ZSWIM6: variants seen among roughly 807,000 people sequenced by gnomAD.
ZSWIM6 encodes the protein zinc finger SWIM-type containing 6, also known as zinc finger SWIM domain-containing protein 6.
A neutral mutation model predicts 113.2 loss-of-function variants in ZSWIM6; 9 were observed. That is an observed-to-expected ratio of 0.08 (90% CI 0.05 to 0.14). The LOEUF (loss-of-function observed/expected upper bound fraction) is 0.14. Among genes scored for constraint, ZSWIM6 ranks in the 10% least tolerant of loss-of-function variants. ZSWIM6 has a pLI of 1.00. For missense variants in ZSWIM6, 1,162 were observed against 1,552.2 expected, an observed-to-expected ratio of 0.75 and a Z score of 4.22; for synonymous variants, 611 against 606.5, an observed-to-expected ratio of 1.01 and a Z score of -0.11.
chr5:61,514,141 T>C (rs923171351), intron 4 of ZSWIM6, among the ~76,000 whole-genome samples: 1 of 152,144 alleles, frequency 6.6e-6, no homozygotes, highest in Non-Finnish European at 1.5e-5. Flanking sequence ...ACATAGAGAC[T>C]GCACATGTTT....
Position 61,490,892 on chromosome 5 carries a change from G to T in ZSWIM6, c.1140G>T (p.Gly380=). The change falls in exon 3 of 14, where the codon GGG becomes GGT. Residue 380 remains glycine, a synonymous_variant. Transcript: ENST00000252744. ...EQVKLFLSQG[G]YHGSGKQLNL... is the part of the protein sequence containing the mutation. ...TTAAACTGTTCCTTTCCCAGGGCGGGTACCACGGATCAGGGAAGCAGCTTA... is the reference window on the plus strand; with the variant it reads ...TTAAACTGTTCCTTTCCCAGGGCGGTTACCACGGATCAGGGAAGCAGCTTA... The T allele has an allele frequency of 6.5e-7, 1 of 1,538,980 alleles. No individual in the cohort carries two copies. Among genetic ancestry groups the T allele is most frequent in the Non-Finnish European group, 8.7e-7 (1 of 1,142,954 alleles).
intron 1 of ZSWIM6, chr5:61,347,833 G>A (rs902092908): frequency 1.6e-4 from 24 of 152,302 alleles, no homozygotes; most frequent in Admixed American, 1.3e-3. Context: ...ACTCACAAAC[G>A]GCAAAATAAG....
chr5:61,366,599 T>TA (rs1466551013), intron 1 of ZSWIM6, among the ~76,000 whole-genome samples: 2 of 152,218 alleles, frequency 1.3e-5, no homozygotes, highest in Admixed American at 6.5e-5. Flanking sequence ...TTGTAGTGTA[T>TA]TTAGCTTTCT....
intron 1 of ZSWIM6, among the ~76,000 whole-genome samples, chr5:61,341,177 A>C (rs1237411030): frequency 6.6e-6 from 1 of 152,080 alleles, no homozygotes; most frequent in African/African-American, 2.4e-5. Context: ...CTTAAGGCAA[A>C]TTGTCCCATC....
intron 1 of ZSWIM6, among the ~76,000 whole-genome samples, chr5:61,341,083 G>C (rs1744535373): frequency 1.3e-5 from 2 of 152,344 alleles, no homozygotes; most frequent in South Asian, 4.1e-4. Flanking sequence ...CCATTATCTT[G>C]GGTGGAGTTT....
At chr5:61,344,550 G>C (rs1744616283) in intron 1 of ZSWIM6, among the ~76,000 whole-genome samples, 1 of 152,152 alleles carries the variant, frequency 6.6e-6, no homozygotes, top group Non-Finnish European at 1.5e-5. Flanking sequence ...GGTGAGGGAA[G>C]GGAGGAGAAA....
intron 1 of ZSWIM6, among the ~76,000 whole-genome samples, chr5:61,457,841 G>A (rs1747237008): frequency 6.6e-6 from 1 of 152,000 alleles, no homozygotes; most frequent in Non-Finnish European, 1.5e-5. Context: ...CTTTTGACTA[G>A]TATCTGATGA....
chr5:61,514,872 A>T (rs1339333058), intron 4 of ZSWIM6, among the ~76,000 whole-genome samples: 2 of 152,108 alleles, frequency 1.3e-5, no homozygotes. Context: ...TATCAGGGTA[A>T]TAATGCTGGC....
chr5:61,335,984 C>G (rs921729186), intron 1 of ZSWIM6, among the ~76,000 whole-genome samples: 2 of 152,096 alleles, frequency 1.3e-5, no homozygotes, highest in Non-Finnish European at 2.9e-5. Context: ...TTTATATTGC[C>G]GGGCACGGTG....
At chr5:61,481,102 G>C (rs963911378) in intron 2 of ZSWIM6, among the ~76,000 whole-genome samples, 1 of 152,160 alleles carries the variant, frequency 6.6e-6, no homozygotes, top group Non-Finnish European at 1.5e-5. Context: ...TTGGGTCACA[G>C]TTAAGATGAA....
At chr5:61,505,216 G>A (rs930962567) in intron 4 of ZSWIM6, among the ~76,000 whole-genome samples, 1 of 152,342 alleles carries the variant, frequency 6.6e-6, no homozygotes, top group South Asian at 2.1e-4. Flanking sequence ...CATGGAAAAT[G>A]TTCTTGCAGC....
In ZSWIM6 at chr5:61,526,257, T is replaced by A; in HGVS notation, c.1698T>A (p.Val566=). The A allele has an allele frequency of 6.5e-7, 1 of 1,549,254 alleles. No individual in the cohort carries two copies. The highest frequency in any genetic ancestry group is 2.0e-5 in the Admixed American group (1 of 50,148). ...SRGWPLWHEH[V]PTACARVDAL... ...CTTGACTTTCTGTTTTAGAACATGTTCCTACAGCCTGTGCAAGAGTGGACG... is the reference window on the plus strand; with the variant it reads ...CTTGACTTTCTGTTTTAGAACATGTACCTACAGCCTGTGCAAGAGTGGACG... The change falls in exon 7 of 14, where the codon GTT becomes GTA. Residue 566 remains valine, a synonymous_variant. Transcript: ENST00000252744.
chr5:61,440,021 TGGA>T (rs1231401952), intron 1 of ZSWIM6, among the ~76,000 whole-genome samples: 1 of 152,122 alleles, frequency 6.6e-6, no homozygotes, highest in East Asian at 1.9e-4. Context: ...CTGTGGTAAT[TGGA>T]GTAGTCTTTG....
At chr5:61,530,298 A>G in intron 8 of ZSWIM6, 100 bp downstream of exon 8, 3 of 1,224,000 alleles carry the variant, frequency 2.5e-6, no homozygotes, top group East Asian at 2.6e-5. Flanking sequence ...GGAACCATGT[A>G]GTTAACAGCA....
chr5:61,365,593 C>T lies in ZSWIM6; in HGVS notation c.676+32645C>T, dbSNP rs550122003. The stretch of plus-strand genomic sequence containing the variant: ...ATTTTGTATGATCCTTCCATTTCAC[C>T]CTCCCTTGTGTGCTTTTATTTTAAT... On this transcript the variant is annotated intron_variant, in intron 1 of 13. Transcript: ENST00000252744. Among the ~76,000 whole-genome samples, 5 of 152,038 alleles carry T rather than the reference C, an allele frequency of 3.3e-5. No homozygotes were observed. In the South Asian group the frequency reaches 1.0e-3, roughly 32 times the overall value.
intron 1 of ZSWIM6, among the ~76,000 whole-genome samples, chr5:61,400,757 A>T (rs1745927156): frequency 6.6e-6 from 1 of 152,094 alleles, no homozygotes; most frequent in East Asian, 1.9e-4. Context: ...TTGTCTCCTT[A>T]TTATCCTTAC....
At position 61,530,140 on chromosome 5, in the gene ZSWIM6, C is replaced by G; in HGVS notation, c.1926C>G (p.Ser642Arg). ...ACCCTGTGGGCACTCTCTTCAGTAG[C>G]CTTATGGAAGCCTGCCGCATTGATG... is the stretch of plus-strand genomic sequence containing the variant. ...PLDPVGTLFS[S>R]LMEACRIDDE... Residue 642 changes from serine to arginine, a missense_variant, in exon 8 of 14, where the codon AGC (serine) becomes AGG (arginine). Physicochemically the swap from Ser to Arg is moderately radical, Grantham distance 110. Transcript: ENST00000252744. The G allele has an allele frequency of 6.4e-7, 1 of 1,551,798 alleles. No individual in the cohort carries two copies. The highest frequency in any genetic ancestry group is 8.7e-7 in the Non-Finnish European group (1 of 1,146,896).
intron 1 of ZSWIM6, among the ~76,000 whole-genome samples, chr5:61,395,150 T>A (rs1413933458): frequency 6.6e-6 from 1 of 152,168 alleles, no homozygotes; most frequent in African/African-American, 2.4e-5. Flanking sequence ...CTCCTTTCAG[T>A]GCTCTCATGG....
At chr5:61,440,796 C>T (rs566994179) in intron 1 of ZSWIM6, among the ~76,000 whole-genome samples, 2 of 152,228 alleles carry the variant, frequency 1.3e-5, no homozygotes, top group Non-Finnish European at 2.9e-5. Flanking sequence ...ACATTTAATG[C>T]GTGCCAGCCA....
Sources: allele counts gnomAD v4.1 joint callset (sites outside exome capture counted in the v4.1 genomes callset), GRCh38; gene constraint gnomAD v4.1.1; transcripts MANE v1.5; gene names NCBI Gene and HGNC (gene_info 2026-07-23, HGNC 2026-07-21).